The following SLC24A4 variants were observed in gnomAD, a reference collection of about 807,000 sequenced individuals.
SLC24A4 encodes sodium/potassium/calcium exchanger 4.
In SLC24A4, 53 loss-of-function variants were observed where a neutral mutation model predicts 79.0. The observed-to-expected ratio is 0.67, with a 90% confidence interval of 0.54 to 0.84. The LOEUF is 0.84. Ranked by LOEUF, SLC24A4 falls within the 40% of genes least tolerant of loss-of-function variation. SLC24A4 has a pLI of 0.00. For missense variants in SLC24A4, 731 were observed against 822.0 expected (o/e 0.89, Z 1.35); for synonymous variants, 323 against 323.8 (o/e 1.00, Z 0.03).
Position 92,443,394 on chromosome 14 carries a change from T to C in SLC24A4, c.583-6T>C, listed in dbSNP as rs750276023. ...ATAGCAGCCAACGACGGGGCTCTGC[T>C]GGCAGGTGGTCCGTCTGACGTGGTG... On this transcript the variant is annotated splice_region_variant and splice_polypyrimidine_tract_variant and intron_variant, in intron 6 of 16. Transcript: ENST00000532405. The C allele has an allele frequency of 6.2e-7, 1 of 1,614,152 alleles. No individual in the cohort carries two copies. The highest frequency in any genetic ancestry group is 2.2e-5 in the East Asian group (1 of 44,872).
At position 92,353,542 on chromosome 14, in the gene SLC24A4, G is replaced by A. The variant is rs1566707627; in HGVS notation, c.241+27564G>A. Reference sequence around the variant, plus strand: ...CCCACCAGACATGGATGAGAGGGCCGGTTCTCCCCACCCCATGGTGTTATC... The same window carrying A: ...CCCACCAGACATGGATGAGAGGGCCAGTTCTCCCCACCCCATGGTGTTATC... On this transcript the variant is annotated intron_variant, in intron 2 of 16. Coordinates refer to ENST00000532405, the MANE Select transcript of SLC24A4 (RefSeq NM_153646.4). This position sits in a 1 kb window ranked among gnomAD's most constrained non-coding sequence, Gnocchi z 4.1. 2.0e-5 allele frequency among the ~76,000 whole-genome samples: 3 copies of A among 152,126 alleles called. No homozygotes were observed. The highest frequency in any genetic ancestry group is 4.8e-5 in the African/African-American group (2 of 41,426).
chr14:92,491,950 C>T (rs1895697255), intron 15 of SLC24A4, among the ~76,000 whole-genome samples, 173 bp downstream of exon 15: 1 of 152,196 alleles, frequency 6.6e-6, no homozygotes, highest in African/African-American at 2.4e-5. Flanking sequence ...CCACTCCTCA[C>T]CTCAGCCCGC....
Position 92,465,584 on chromosome 14 carries a change from G to A in SLC24A4, c.1255+8976G>A, listed in dbSNP as rs562572138. On this transcript the variant is annotated intron_variant, in intron 12 of 16. Coordinates refer to ENST00000532405, the MANE Select transcript of SLC24A4 (RefSeq NM_153646.4). The stretch of plus-strand genomic sequence containing the variant: ...ACCAGCCGAGGGAGCTCTGGGCCCG[G>A]CTTCTCCCTTGACTGACAGAGCCTG... Among the ~76,000 whole-genome samples, 6 of 152,268 alleles carry A rather than the reference G, an allele frequency of 3.9e-5. No individual in the cohort carries two copies. The East Asian group carries it at 1.2e-3, about 29-fold the overall frequency.
chr14:92,389,537 G>A lies in SLC24A4; in HGVS notation c.242-44375G>A, dbSNP rs1193503323. On this transcript the variant is annotated intron_variant, in intron 2 of 16. Transcript: ENST00000532405. ...CCCAGCCCTTTCTGAGGAATGGAGGGAGGTCCTGAACCTCTCCCTGGGGCT... is the reference window on the plus strand; with the variant it reads ...CCCAGCCCTTTCTGAGGAATGGAGGAAGGTCCTGAACCTCTCCCTGGGGCT... Among the ~76,000 whole-genome samples the A allele has an allele frequency of 2.0e-5, 3 of 152,200 alleles. No individual in the cohort carries two copies. In the East Asian group the frequency reaches 5.8e-4, roughly 29 times the overall value.
rs1445293588 is a variant in SLC24A4 at position 92,500,346 on chromosome 14, A to C, written c.*6718A>C. ...CCTTTGTGCCTAAAGGGAATGTCCC[A>C]AACAACAGAGCCTTCTTTGCTGTCA... On this transcript the variant is annotated 3_prime_UTR_variant, in exon 17 of 17. Transcript: ENST00000532405. 2 of 152,220 alleles carry C rather than the reference A, an allele frequency of 1.3e-5. No individual in the cohort carries two copies. Among genetic ancestry groups the C allele is most frequent in the Non-Finnish European group, 2.9e-5 (2 of 68,044 alleles). 9.4% of individuals were successfully genotyped at this position (152,220 alleles called of 1,614,324 possible).
At position 92,378,665 on chromosome 14, in the gene SLC24A4, ACT is replaced by A. The variant is rs539698217; in HGVS notation, c.241+52692_241+52693del. Among the ~76,000 whole-genome samples, 12 of 152,136 alleles carry A rather than the reference ACT, an allele frequency of 7.9e-5. 1 individual carries two copies. The East Asian group carries it at 2.3e-3, about 29-fold the overall frequency. On this transcript the variant is annotated intron_variant, in intron 2 of 16. Transcript: ENST00000532405. Reference sequence around the variant, plus strand: ...CTTATCCACTGTGCATTTCATTTTCACTCTCTTACTGATATCTTTTGAATGAA... The same window carrying A: ...CTTATCCACTGTGCATTTCATTTTCACTCTTACTGATATCTTTTGAATGAA...
chr14:92,493,786 A>T lies in SLC24A4; in HGVS notation c.*158A>T. 2 of 877,578 alleles carry T rather than the reference A, an allele frequency of 2.3e-6. No individual in the cohort carries two copies. Among genetic ancestry groups the T allele is most frequent in the Non-Finnish European group, 3.4e-6 (2 of 587,566 alleles). The allele number at this position is 877,578 out of a possible 1,614,324, so 54.4% of individuals were successfully genotyped here. A position where few individuals can be genotyped will look rare whatever the true frequency, so the allele number is the denominator to read the frequency against. ...GAGCCATCGTGGTCTTTGTCTGGCCACAGGCCAGGCTGCTGGGCATCCTCC... is the reference window on the plus strand; with the variant it reads ...GAGCCATCGTGGTCTTTGTCTGGCCTCAGGCCAGGCTGCTGGGCATCCTCC... On this transcript the variant is annotated 3_prime_UTR_variant, in exon 17 of 17. Coordinates refer to ENST00000532405, the MANE Select transcript of SLC24A4 (RefSeq NM_153646.4).
chr14:92,466,660 C>A (rs529999090), intron 12 of SLC24A4, among the ~76,000 whole-genome samples: 13 of 152,264 alleles, frequency 8.5e-5, no homozygotes, highest in African/African-American at 3.1e-4. Context: ...CTGTTTAGAT[C>A]GAATCTATGA....
rs147937909 is a variant in SLC24A4, at chr14:92,482,053, G to A, written c.1256-627G>A. On this transcript the variant is annotated intron_variant, in intron 12 of 16. Coordinates refer to ENST00000532405, the MANE Select transcript of SLC24A4 (RefSeq NM_153646.4). ...GCACCAGTCTTGACTACATGACCTTGGGACAAAGGAGCTGAGATTTCCAAA... is the reference window on the plus strand; with the variant it reads ...GCACCAGTCTTGACTACATGACCTTAGGACAAAGGAGCTGAGATTTCCAAA... Among the ~76,000 whole-genome samples the A allele has an allele frequency of 3.3e-5, 5 of 152,286 alleles. No individual in the cohort carries two copies. In the East Asian group the frequency reaches 7.7e-4, roughly 23 times the overall value.
rs746161275 is a variant in SLC24A4 at position 92,482,854 on chromosome 14, G to A, written c.1422+8G>A. 1.9e-6 allele frequency: 3 copies of A among 1,604,626 alleles called. No individual in the cohort carries two copies. The highest frequency in any genetic ancestry group is 1.1e-5 in the South Asian group (1 of 89,562). ...TACATCATGGTGTGGCTGGTGAGTG[G>A]GGGGAGCAGGGGGTGGACTGTGTGC... On this transcript the variant is annotated splice_region_variant and intron_variant, in intron 13 of 16. Transcript: ENST00000532405.
chr14:92,443,480 T>C lies in SLC24A4; in HGVS notation c.657+6T>C, dbSNP rs1290116659. The C allele has an allele frequency of 1.2e-6, 2 of 1,614,052 alleles. No homozygotes were observed. On this transcript the variant is annotated splice_donor_region_variant and intron_variant, in intron 7 of 16. Transcript: ENST00000532405. ...CTGTCATCGTGCTCATCGTGGTGAGTTGCCCCTCTGCCCCCAAGGTCAGGT... is the reference window on the plus strand; with the variant it reads ...CTGTCATCGTGCTCATCGTGGTGAGCTGCCCCTCTGCCCCCAAGGTCAGGT...
intron 3 of SLC24A4, among the ~76,000 whole-genome samples, chr14:92,439,099 G>T (rs1173766207): frequency 6.6e-6 from 1 of 152,208 alleles, no homozygotes; most frequent in Non-Finnish European, 1.5e-5. Context: ...AGCCGCAGTG[G>T]CCTGAGTTTT....
Position 92,382,150 on chromosome 14 carries a change from A to G in SLC24A4, c.242-51762A>G, listed in dbSNP as rs776824382. Among the ~76,000 whole-genome samples, 59 of 152,284 alleles carry G rather than the reference A, an allele frequency of 3.9e-4. 3 individuals carry two copies. The highest frequency in any genetic ancestry group is 1.0e-3 in the South Asian group (5 of 4,826). On this transcript the variant is annotated intron_variant, in intron 2 of 16. Coordinates refer to ENST00000532405, the MANE Select transcript of SLC24A4 (RefSeq NM_153646.4). ...AATCTATACATAAGTGTGTGTATAT[A>G]CATATATACACATATATATCAATAC... is the stretch of plus-strand genomic sequence containing the variant.
intron 10 of SLC24A4, chr14:92,452,689 A>C (rs2139840046): frequency 6.6e-6 from 1 of 152,428 alleles, no homozygotes; most frequent in East Asian, 1.9e-4. Context: ...CGTGCATTTC[A>C]AGCAAAACAG....
chr14:92,412,508 C>T (rs931724891), intron 2 of SLC24A4, among the ~76,000 whole-genome samples: 10 of 152,102 alleles, frequency 6.6e-5, no homozygotes, highest in East Asian at 1.9e-4. Flanking sequence ...TTTGGTGGGA[C>T]GCTTCTGTCC....
intron 2 of SLC24A4, among the ~76,000 whole-genome samples, chr14:92,360,139 G>A (rs1293045643): frequency 1.3e-5 from 2 of 152,206 alleles, no homozygotes; most frequent in African/African-American, 2.4e-5. Flanking sequence ...GGCCATGATG[G>A]TCTTGATCTC....
intron 3 of SLC24A4, among the ~76,000 whole-genome samples, chr14:92,438,687 C>T (rs1266513979): frequency 1.3e-5 from 2 of 152,116 alleles, no homozygotes; most frequent in Admixed American, 6.5e-5. Flanking sequence ...AGCGCTTCCA[C>T]GCCTTCCCTA....
At chr14:92,406,862 T>G (rs1389254374) in intron 2 of SLC24A4, among the ~76,000 whole-genome samples, 1 of 152,182 alleles carries the variant, frequency 6.6e-6, no homozygotes, top group Non-Finnish European at 1.5e-5. Context: ...AACATTCAGC[T>G]CCTCTTTACT....
chr14:92,362,535 G>T (rs1887594480), intron 2 of SLC24A4, among the ~76,000 whole-genome samples: 1 of 152,188 alleles, frequency 6.6e-6, no homozygotes. Context: ...TAATATGTCT[G>T]CTTGGCAGCT....
Sources: gnomAD v4.1 joint callset for allele counts (sites outside exome capture counted in the v4.1 genomes callset) on GRCh38, gnomAD v4.1.1 for gene constraint, Gnocchi (gnomAD v3.1) non-coding constraint, MANE v1.5 for transcripts, NCBI Gene and HGNC (gene_info 2026-07-23, HGNC 2026-07-21) for gene names.